Variants in EML5 observed in about 807,000 individuals in gnomAD.
The protein encoded by EML5 is EMAP like 5, also known as echinoderm microtubule-associated protein-like 5.
Under a neutral mutation model 250.0 loss-of-function variants are expected in EML5, and 120 were observed. That is an observed-to-expected ratio of 0.48 (90% CI 0.41 to 0.56). The LOEUF (loss-of-function observed/expected upper bound fraction) is 0.56. EML5 is among the 20% of genes least tolerant of loss of function. EML5 has a pLI of 0.00. For missense variants in EML5, 2,006 were observed against 2,437.6 expected (o/e 0.82, Z 3.73); for synonymous variants, 771 against 806.5 (o/e 0.96, Z 0.75).
intron 1 of EML5, among the ~76,000 whole-genome samples, chr14:88,757,818 T>A (rs919359938): frequency 6.6e-6 from 1 of 151,832 alleles, no homozygotes; most frequent in Non-Finnish European, 1.5e-5. Context: ...TTCCTTTTCT[T>A]GCTTTCTTCC....
At chr14:88,647,787 T>C (rs2091430097) in intron 28 of EML5, among the ~76,000 whole-genome samples, 1 of 150,552 alleles carries the variant, frequency 6.6e-6, no homozygotes, top group African/African-American at 2.5e-5. Context: ...GAGAATTCAA[T>C]ATATTTCATG....
At position 88,694,368 on chromosome 14, in the gene EML5, G is replaced by C. The variant is rs780916023; in HGVS notation, c.2478C>G (p.Pro826=). Residue 826 remains proline, a synonymous_variant, in exon 17 of 44, where the codon CCC becomes CCG. Transcript: ENST00000554922. The part of the protein sequence containing the change: ...KDKIFVVKMN[P]YVPDKLITAG... ...CTGTAATTAGTTTATCAGGCACATA[G>C]GGGTTCATCTTTACAACAAAAATCT... 1 of 1,594,194 alleles carries C rather than the reference G, an allele frequency of 6.3e-7. No individual in the cohort carries two copies. The highest frequency in any genetic ancestry group is 1.3e-5 in the African/African-American group (1 of 74,746).
chr14:88,711,860 G>A (rs976216303), intron 10 of EML5, among the ~76,000 whole-genome samples: 2 of 151,670 alleles, frequency 1.3e-5, no homozygotes, highest in Admixed American at 6.6e-5. Context: ...CAGGAGGGTT[G>A]ATGGAACCCA....
chr14:88,751,240 T>C (rs2094089700), intron 2 of EML5, among the ~76,000 whole-genome samples: 2 of 152,230 alleles, frequency 1.3e-5, no homozygotes, highest in Admixed American at 1.3e-4. Flanking sequence ...TTTTACTTTA[T>C]CATTTCTTTT....
chr14:88,778,673 G>GGAGGCT (rs2140731574), intron 1 of EML5, among the ~76,000 whole-genome samples: 2 of 152,364 alleles, frequency 1.3e-5, no homozygotes, highest in Non-Finnish European at 2.9e-5. Flanking sequence ...CAGCTACTCA[G>GGAGGCT]GAGGCTGAGG....
intron 21 of EML5, among the ~76,000 whole-genome samples, chr14:88,673,745 A>G (rs1392654300): frequency 6.6e-6 from 1 of 152,246 alleles, no homozygotes; most frequent in Non-Finnish European, 1.5e-5. Flanking sequence ...CAGAAAACAG[A>G]GAGCCAAATC....
At chr14:88,764,912 T>C (rs961371371) in intron 1 of EML5, among the ~76,000 whole-genome samples, 1 of 152,198 alleles carries the variant, frequency 6.6e-6, no homozygotes, top group African/African-American at 2.4e-5. Context: ...TTAAGGTTTG[T>C]TTTATAATAT....
At chr14:88,677,499 A>G (rs895611564) in intron 21 of EML5, among the ~76,000 whole-genome samples, 3 of 152,248 alleles carry the variant, frequency 2.0e-5, no homozygotes, top group African/African-American at 7.2e-5. Context: ...AGAAACTGTC[A>G]TCAGAATGAT....
intron 34 of EML5, 45 bp from the exon 35 acceptor site, chr14:88,627,091 G>C (rs2090028954): frequency 6.3e-7 from 1 of 1,586,304 alleles, no homozygotes; most frequent in East Asian, 2.2e-5. Flanking sequence ...CAAGAACCAA[G>C]CTAATCAACA....
At chr14:88,719,078 A>G (rs1320694515) in intron 8 of EML5, among the ~76,000 whole-genome samples, 1 of 152,200 alleles carries the variant, frequency 6.6e-6, no homozygotes, top group African/African-American at 2.4e-5. Context: ...GTGGCTAGCC[A>G]TTGGTAGAAT....
At chr14:88,635,555 A>T (rs2090675584) in intron 32 of EML5, among the ~76,000 whole-genome samples, 1 of 152,184 alleles carries the variant, frequency 6.6e-6, no homozygotes, top group African/African-American at 2.4e-5. Flanking sequence ...TCAAGATAAA[A>T]CTTATCAAAT....
At chr14:88,645,652 A>C (rs942288891) in intron 29 of EML5, among the ~76,000 whole-genome samples, 3 of 152,192 alleles carry the variant, frequency 2.0e-5, no homozygotes, top group African/African-American at 7.2e-5. Flanking sequence ...TGAAGTCCCT[A>C]GTACTGGTTA....
intron 7 of EML5, among the ~76,000 whole-genome samples, chr14:88,730,659 G>A (rs886324634): frequency 1.2e-4 from 19 of 152,132 alleles, no homozygotes; most frequent in African/African-American, 4.6e-4. Context: ...GTTTATTTGG[G>A]GAGTCAATGC....
chr14:88,695,272 T>C (rs1221508906), intron 16 of EML5, 89 bp downstream of exon 16: 2 of 968,248 alleles, frequency 2.1e-6, no homozygotes, highest in Admixed American at 5.2e-5. Flanking sequence ...ACATATTTGC[T>C]TGATTTCAAA....
At chr14:88,786,203 T>C (rs953560449) in intron 1 of EML5, among the ~76,000 whole-genome samples, 8 of 152,198 alleles carry the variant, frequency 5.3e-5, no homozygotes, top group Non-Finnish European at 1.2e-4. Flanking sequence ...GGCCACCCTA[T>C]CTAAATACCT....
intron 31 of EML5, among the ~76,000 whole-genome samples, chr14:88,640,761 A>G (rs1371301145): frequency 6.6e-6 from 1 of 152,110 alleles, no homozygotes; most frequent in Non-Finnish European, 1.5e-5. Flanking sequence ...AGAATCAACA[A>G]AATAAAAAAA....
intron 7 of EML5, among the ~76,000 whole-genome samples, chr14:88,730,780 T>G (rs532524805): frequency 6.6e-6 from 1 of 152,294 alleles, no homozygotes; most frequent in Non-Finnish European, 1.5e-5. Context: ...CAACCTAAAT[T>G]GGAATCTGCT....
rs564136488 is a variant in EML5, at chr14:88,728,612, G to T, written c.1050-1934C>A. 2.0e-5 allele frequency among the ~76,000 whole-genome samples: 3 copies of T among 152,306 alleles called. No homozygotes were observed. The South Asian group carries it at 6.2e-4, about 32-fold the overall frequency. On this transcript the variant is annotated intron_variant, in intron 7 of 43. Transcript: ENST00000554922. ...TACATCCTCATCATCTTCACATTGT[G>T]TAGGCTGAGGAGGAGGAAGAGAAGA... is the stretch of plus-strand genomic sequence containing the variant.
chr14:88,771,123 ATT>A (rs1383369739), intron 1 of EML5, among the ~76,000 whole-genome samples: 2 of 152,204 alleles, frequency 1.3e-5, no homozygotes, highest in Admixed American at 6.5e-5. Context: ...GTTCCTTTAC[ATT>A]TATCTCACAC....
Sources: gnomAD v4.1 joint callset for allele counts (sites outside exome capture counted in the v4.1 genomes callset) on GRCh38, gnomAD v4.1.1 for gene constraint, MANE v1.5 for transcripts, NCBI Gene and HGNC (gene_info 2026-07-23, HGNC 2026-07-21) for gene names.